Variants in CCDC60 observed in about 807,000 individuals in gnomAD.
The protein encoded by CCDC60 is coiled-coil domain containing 60.
In CCDC60, 54 loss-of-function variants were observed where a neutral mutation model predicts 63.5. The ratio of observed to expected loss-of-function variants is 0.85; its 90% CI spans 0.68 to 1.07. CCDC60 has a LOEUF of 1.07. Among genes scored for constraint, CCDC60 ranks in the 50% least tolerant of loss-of-function variants. CCDC60 has a pLI of 0.00. For synonymous variants in CCDC60, 206 were observed against 238.8 expected, an observed-to-expected ratio of 0.86 and a Z score of 1.27; for missense variants, 651 against 684.3, an observed-to-expected ratio of 0.95 and a Z score of 0.54.
At chr12:119,430,897 G>C (rs1950218117) in intron 2 of CCDC60, among the ~76,000 whole-genome samples, 1 of 152,186 alleles carries the variant, frequency 6.6e-6, no homozygotes, top group African/African-American at 2.4e-5. Flanking sequence ...ATACATAAGA[G>C]TCAATGCTGG....
At chr12:119,431,202 C>T (rs7960747) in intron 2 of CCDC60, among the ~76,000 whole-genome samples, 2,132 of 152,210 alleles carry the variant, frequency 0.014, 46 homozygotes, top group African/African-American at 0.048. Flanking sequence ...CACGCAGAGC[C>T]GGCTGTGTGA....
At chr12:119,345,030 C>T (rs1302926301) in intron 1 of CCDC60, among the ~76,000 whole-genome samples, 1 of 152,168 alleles carries the variant, frequency 6.6e-6, no homozygotes, top group Non-Finnish European at 1.5e-5. Context: ...TACTATCTTC[C>T]CTAGGAAACT....
chr12:119,519,624 G>A (rs553862719), intron 8 of CCDC60, among the ~76,000 whole-genome samples: 222 of 151,630 alleles, frequency 1.5e-3, no homozygotes, highest in Non-Finnish European at 2.5e-3. Flanking sequence ...CACCACACTC[G>A]GCTAATTTTT....
In CCDC60 at chr12:119,534,449, T is replaced by C. The variant is rs139689228; in HGVS notation, c.1551+3386T>C. ...TTGACCTGGCCAGAACTTCCAACAC[T>C]ATGTTGAATAGGAGTGGTGAGAGAC... On this transcript the variant is annotated intron_variant, in intron 13 of 13. Coordinates refer to ENST00000327554, the MANE Select transcript of CCDC60 (RefSeq NM_178499.5). Among the ~76,000 whole-genome samples the C allele has an allele frequency of 8.5e-3, 1,300 of 152,316 alleles. 14 individuals carry two copies. The highest frequency in any genetic ancestry group is 0.03 in the African/African-American group (1,239 of 41,564).
At chr12:119,535,865 G>A (rs1952988258) in intron 13 of CCDC60, among the ~76,000 whole-genome samples, 1 of 152,220 alleles carries the variant, frequency 6.6e-6, no homozygotes, top group Non-Finnish European at 1.5e-5. Context: ...TAAGTGCGAT[G>A]TGGTGCTAAG....
chr12:119,457,132 C>G (rs1172078390), intron 2 of CCDC60, among the ~76,000 whole-genome samples: 5 of 152,186 alleles, frequency 3.3e-5, no homozygotes, highest in Non-Finnish European at 7.3e-5. Flanking sequence ...CAAAGAAACA[C>G]CTTAGGTTCT....
intron 1 of CCDC60, among the ~76,000 whole-genome samples, chr12:119,426,973 C>G (rs771389930): frequency 6.6e-6 from 1 of 152,226 alleles, no homozygotes; most frequent in African/African-American, 2.4e-5. Flanking sequence ...AGAGAAAACA[C>G]TTTGCCTCCT....
intron 1 of CCDC60, among the ~76,000 whole-genome samples, chr12:119,360,208 A>G (rs1955764008): frequency 7.0e-6 from 1 of 142,622 alleles, no homozygotes; most frequent in African/African-American, 2.6e-5. Flanking sequence ...CTGGCTGGGC[A>G]GAGGGGCTCC....
At chr12:119,451,487 C>G (rs1348629876) in intron 2 of CCDC60, among the ~76,000 whole-genome samples, 1 of 150,498 alleles carries the variant, frequency 6.6e-6, no homozygotes, top group Non-Finnish European at 1.5e-5. Context: ...GTTTCCCCAT[C>G]TGCAAAATGG....
intron 1 of CCDC60, among the ~76,000 whole-genome samples, chr12:119,375,298 T>C (rs1356874955): frequency 1.3e-5 from 2 of 152,218 alleles, no homozygotes; most frequent in Non-Finnish European, 2.9e-5. Flanking sequence ...AAAACCCTAA[T>C]TTGCAATGTT....
chr12:119,494,524 G>A (rs908048601), intron 5 of CCDC60, among the ~76,000 whole-genome samples: 22 of 152,130 alleles, frequency 1.4e-4, no homozygotes, highest in African/African-American at 4.8e-4. Context: ...TAATCCCTAC[G>A]CTTACAATCC....
intron 2 of CCDC60, among the ~76,000 whole-genome samples, chr12:119,438,715 A>G (rs1950375456): frequency 6.6e-6 from 1 of 152,180 alleles, no homozygotes; most frequent in African/African-American, 2.4e-5. Context: ...GTATCTGAAA[A>G]TATTCATGGG....
intron 13 of CCDC60, among the ~76,000 whole-genome samples, chr12:119,535,722 G>GT (rs1228584242): frequency 2.6e-5 from 4 of 152,234 alleles, no homozygotes; most frequent in African/African-American, 9.6e-5. Flanking sequence ...TAGTTGTGCA[G>GT]TTTTGAGTGA....
At chr12:119,499,930 C>G in intron 5 of CCDC60, 148 bp from the exon 6 acceptor site, 1 of 683,816 alleles carries the variant, frequency 1.5e-6, no homozygotes. Context: ...AACTATCCCC[C>G]CCATTTCTTC....
intron 1 of CCDC60, among the ~76,000 whole-genome samples, chr12:119,416,555 C>G (rs1163342797): frequency 6.6e-6 from 1 of 152,010 alleles, no homozygotes; most frequent in Admixed American, 6.6e-5. Context: ...AGAACTTACA[C>G]AGAAAAATTG....
At position 119,523,570 on chromosome 12, in the gene CCDC60, G is replaced by A. The variant is rs148671640; in HGVS notation, c.1104-123G>A. On this transcript the variant is annotated intron_variant, in intron 10 of 13. Transcript: ENST00000327554. ...GCTCCAGGTGAGGGCAGAGAACCCA[G>A]GTGGCTACAGGGAGTCCCCCATGCA... The A allele has an allele frequency of 3.0e-5, 41 of 1,366,554 alleles. No individual in the cohort carries two copies. In the East Asian group the frequency reaches 9.1e-4, roughly 30 times the overall value. 84.7% of individuals were successfully genotyped at this position (1,366,554 alleles called of 1,614,324 possible).
intron 1 of CCDC60, among the ~76,000 whole-genome samples, chr12:119,422,536 G>A (rs1555239698): frequency 6.6e-6 from 1 of 152,160 alleles, no homozygotes; most frequent in African/African-American, 2.4e-5. Context: ...GCAGGAGCAG[G>A]ACCAAGAGGG....
intron 1 of CCDC60, among the ~76,000 whole-genome samples, chr12:119,344,839 TCTCTCTCTCTCTCTCTCACACACA>T (rs1269898899): frequency 4.5e-4 from 46 of 103,158 alleles, no homozygotes; most frequent in African/African-American, 1.5e-3. Context: ...TCTCTCTTTC[TCTCTCTCTCTCTCTCTCACACACA>T]CACACACACA....
intron 2 of CCDC60, among the ~76,000 whole-genome samples, chr12:119,468,290 T>C (rs544536693): frequency 2.0e-5 from 3 of 152,102 alleles, no homozygotes; most frequent in Non-Finnish European, 2.9e-5. Flanking sequence ...AGACGCTGTC[T>C]TAAAAAATAA....
Sources: gnomAD v4.1 joint callset for allele counts (sites outside exome capture counted in the v4.1 genomes callset) on GRCh38, gnomAD v4.1.1 for gene constraint, MANE v1.5 for transcripts, NCBI Gene and HGNC (gene_info 2026-07-23, HGNC 2026-07-21) for gene names.